HS3ST5: variants seen among roughly 807,000 people sequenced by gnomAD.
The protein encoded by HS3ST5 is heparan sulfate-glucosamine 3-sulfotransferase 5, also known as heparan sulfate glucosamine 3-O-sulfotransferase 5.
HS3ST5 carries 10 observed loss-of-function variants against 25.4 expected under a neutral mutation model. The ratio of observed to expected loss-of-function variants is 0.39; its 90% confidence interval spans 0.24 to 0.67. The LOEUF (loss-of-function observed/expected upper bound fraction) is 0.67. Among genes scored for constraint, HS3ST5 ranks in the 30% least tolerant of loss-of-function variants. The pLI is 0.44. For missense variants in HS3ST5, 324 were observed against 420.7 expected (o/e 0.77, Z 2.01); for synonymous variants, 170 against 162.4 (o/e 1.05, Z -0.36).
At chr6:114,315,297 CCAT>C (rs2114859013) in intron 1 of HS3ST5, among the ~76,000 whole-genome samples, 1 of 152,186 alleles carries the variant, frequency 6.6e-6, no homozygotes, top group African/African-American at 2.4e-5. Flanking sequence ...TATTTGTTGT[CCAT>C]CACATTTCTT....
chr6:114,162,940 A>G (rs1368917689), intron 3 of HS3ST5, among the ~76,000 whole-genome samples: 2 of 152,036 alleles, frequency 1.3e-5, no homozygotes, highest in Non-Finnish European at 2.9e-5. Context: ...TTTTCTCCTT[A>G]ATTAATTTGT....
At chr6:114,160,570 C>T (rs76858761) in intron 3 of HS3ST5, among the ~76,000 whole-genome samples, 108 of 152,148 alleles carry the variant, frequency 7.1e-4, no homozygotes, top group African/African-American at 2.6e-3. Flanking sequence ...AAAGTATTAG[C>T]TTTCAGGGAA....
At chr6:114,088,164 G>A (rs949849828) in intron 3 of HS3ST5, among the ~76,000 whole-genome samples, 5 of 152,038 alleles carry the variant, frequency 3.3e-5, no homozygotes, top group South Asian at 4.1e-4. Context: ...AATTACCTAC[G>A]TGGTTTGCAT....
At chr6:114,284,731 A>G (rs1484822124) in intron 1 of HS3ST5, among the ~76,000 whole-genome samples, 1 of 151,956 alleles carries the variant, frequency 6.6e-6, no homozygotes, top group Non-Finnish European at 1.5e-5. Flanking sequence ...TGTAGAGGTA[A>G]AAAGTGAATC....
chr6:114,285,019 T>A (rs1420911408), intron 1 of HS3ST5, among the ~76,000 whole-genome samples: 1 of 152,014 alleles, frequency 6.6e-6, no homozygotes. Context: ...TTTTACAAAC[T>A]AAAATAGATT....
At chr6:114,187,925 T>C (rs530467831) in intron 2 of HS3ST5, among the ~76,000 whole-genome samples, 162 of 152,272 alleles carry the variant, frequency 1.1e-3, no homozygotes, top group African/African-American at 3.7e-3. Flanking sequence ...AGATTAGGAC[T>C]CACTGAAGGT....
chr6:114,243,884 C>T (rs1772258391), intron 1 of HS3ST5, among the ~76,000 whole-genome samples: 1 of 152,094 alleles, frequency 6.6e-6, no homozygotes, highest in Admixed American at 6.5e-5. Flanking sequence ...CAATACACTC[C>T]TAGGAGGGTC....
chr6:114,232,328 A>AT (rs1363048154), intron 1 of HS3ST5, among the ~76,000 whole-genome samples: 4 of 151,984 alleles, frequency 2.6e-5, no homozygotes, highest in East Asian at 1.9e-4. Context: ...TTAGCTTAAC[A>AT]CTTTTTCCCT....
chr6:114,229,238 AG>A (rs532222552), intron 1 of HS3ST5, among the ~76,000 whole-genome samples: 12 of 152,350 alleles, frequency 7.9e-5, no homozygotes, highest in Middle Eastern at 3.4e-3. Flanking sequence ...CAAGATAATT[AG>A]GTATAAACAA....
intron 2 of HS3ST5, among the ~76,000 whole-genome samples, chr6:114,182,519 T>G (rs1780021419): frequency 6.6e-6 from 1 of 152,168 alleles, no homozygotes; most frequent in African/African-American, 2.4e-5. Context: ...AGGCTAAGTT[T>G]TCCTGTCTGC....
chr6:114,171,927 G>C (rs1779492394), intron 2 of HS3ST5, among the ~76,000 whole-genome samples: 2 of 152,126 alleles, frequency 1.3e-5, no homozygotes, highest in African/African-American at 4.8e-5. Flanking sequence ...CCCAATCTTA[G>C]TGTCCTTTTA....
chr6:114,112,674 T>C (rs1776324520), intron 3 of HS3ST5, among the ~76,000 whole-genome samples: 1 of 152,166 alleles, frequency 6.6e-6, no homozygotes, highest in Admixed American at 6.5e-5. Flanking sequence ...CATGTCAAAA[T>C]TGGCCTCTTG....
chr6:114,227,647 A>C (rs183016392), intron 2 of HS3ST5, among the ~76,000 whole-genome samples: 65 of 152,078 alleles, frequency 4.3e-4, no homozygotes, highest in Non-Finnish European at 1.9e-4. Flanking sequence ...GAAAAAAAGT[A>C]ATGGAAAGAG....
chr6:114,058,764 G>A (rs1317675350), intron 4 of HS3ST5: 1 of 153,444 alleles, frequency 6.5e-6, no homozygotes, highest in African/African-American at 2.4e-5. Flanking sequence ...TTTTCATTCT[G>A]AGACTCTCTG....
chr6:114,077,963 C>G (rs1774236437), intron 3 of HS3ST5, among the ~76,000 whole-genome samples: 1 of 152,050 alleles, frequency 6.6e-6, no homozygotes, highest in South Asian at 2.1e-4. Flanking sequence ...CCATGTATTT[C>G]TTTCATAATG....
chr6:114,292,584 T>C (rs1774628582), intron 1 of HS3ST5, among the ~76,000 whole-genome samples: 1 of 152,180 alleles, frequency 6.6e-6, no homozygotes, highest in South Asian at 2.1e-4. Flanking sequence ...AATGAATAAA[T>C]GAATATTAAG....
At position 114,097,303 on chromosome 6, in the gene HS3ST5, A is replaced by C. The variant is rs555737547; in HGVS notation, c.-32-34426T>G. ...GGAATTCATTAAAAGGCTTGGTCCT[A>C]TGTGGATATACTTATGAAAAAAGGT... On this transcript the variant is annotated intron_variant, in intron 3 of 4. Coordinates refer to ENST00000312719, the MANE Select transcript of HS3ST5 (RefSeq NM_153612.4). Among the ~76,000 whole-genome samples, 4 of 152,114 alleles carry C rather than the reference A, an allele frequency of 2.6e-5. No homozygotes were observed. The South Asian group carries it at 8.3e-4, about 32-fold the overall frequency.
At chr6:114,150,419 G>A (rs935667168) in intron 3 of HS3ST5, among the ~76,000 whole-genome samples, 8 of 152,210 alleles carry the variant, frequency 5.3e-5, no homozygotes, top group Non-Finnish European at 8.8e-5. Flanking sequence ...ATAAGCAAAC[G>A]TATAGAGGCC....
At chr6:114,145,912 C>G (rs1778139328) in intron 3 of HS3ST5, among the ~76,000 whole-genome samples, 1 of 152,050 alleles carries the variant, frequency 6.6e-6, no homozygotes. Context: ...GAACTGATAC[C>G]CTTGAGATGT....
Sources: allele counts gnomAD v4.1 joint callset (sites outside exome capture counted in the v4.1 genomes callset), GRCh38; gene constraint gnomAD v4.1.1; transcripts MANE v1.5; gene names NCBI Gene and HGNC (gene_info 2026-07-23, HGNC 2026-07-21).